The following POFUT1 variants were observed in gnomAD, a reference collection of about 807,000 sequenced individuals.
The protein encoded by POFUT1 is protein O-fucosyltransferase 1.
Under a neutral mutation model 42.4 loss-of-function variants are expected in POFUT1, and 16 were observed. The observed-to-expected ratio is 0.38, with a 90% CI of 0.26 to 0.57. The LOEUF (loss-of-function observed/expected upper bound fraction) is 0.57, where lower values mean the gene tolerates loss of function less well. Among genes scored for constraint, POFUT1 ranks in the 20% least tolerant of loss-of-function variants. The pLI, the probability that POFUT1 is intolerant of heterozygous loss-of-function variation, is 0.71. For synonymous variants in POFUT1, 206 were observed against 205.4 expected (o/e 1.00, Z -0.03); for missense variants, 470 against 504.6 (o/e 0.93, Z 0.66).
intron 6 of POFUT1, among the ~76,000 whole-genome samples, chr20:32,232,926 T>C (rs924003560): frequency 1.3e-5 from 2 of 152,016 alleles, no homozygotes; most frequent in African/African-American, 4.8e-5. Context: ...AGGGTACCAG[T>C]AAATAAGATG....
chr20:32,213,605 T>C (rs2047342518), intron 2 of POFUT1, among the ~76,000 whole-genome samples: 1 of 151,734 alleles, frequency 6.6e-6, no homozygotes, highest in Non-Finnish European at 1.5e-5. Context: ...ACCCCATCTC[T>C]ACTATAGATA....
intron 4 of POFUT1, chr20:32,217,854 C>A: frequency 3.9e-6 from 2 of 511,658 alleles, no homozygotes; most frequent in Non-Finnish European, 5.0e-6. Flanking sequence ...TTCCCAAGGT[C>A]ATTGAGCTGT....
Position 32,223,460 on chromosome 20 carries a change from C to T in POFUT1, c.543-4803C>T. The stretch of plus-strand genomic sequence containing the variant: ...GGACACACATTCCAAGTCTGGAATT[C>T]ACCGAAGGTTGGCTGCAGGTGCTTT... On this transcript the variant is annotated intron_variant, in intron 4 of 6. Transcript: ENST00000375749. 3 of 985,404 alleles carry T rather than the reference C, an allele frequency of 3.0e-6. No individual in the cohort carries two copies. In the South Asian group the frequency reaches 1.4e-4, roughly 46 times the overall value. 61.0% of individuals were successfully genotyped at this position (985,404 alleles called of 1,614,324 possible).
chr20:32,216,487 C>A, intron 3 of POFUT1, 122 bp from the exon 4 acceptor site: 1 of 659,750 alleles, frequency 1.5e-6, no homozygotes, highest in Non-Finnish European at 2.8e-6. Flanking sequence ...CCTAGGCCAT[C>A]CTGTGAGAGT....
At chr20:32,213,412 C>T (rs1260179561) in intron 2 of POFUT1, among the ~76,000 whole-genome samples, 10 of 150,002 alleles carry the variant, frequency 6.7e-5, no homozygotes, top group South Asian at 6.3e-4. Flanking sequence ...GCCGAGATCG[C>T]GCCACTGCAC....
chr20:32,217,014 G>C, intron 4 of POFUT1: 1 of 1,613,778 alleles, frequency 6.2e-7, no homozygotes, highest in Non-Finnish European at 8.5e-7. Flanking sequence ...CTAGGCGTGA[G>C]AATCACTCCT....
chr20:32,221,729 C>G (rs538549801), intron 4 of POFUT1, among the ~76,000 whole-genome samples: 8 of 151,632 alleles, frequency 5.3e-5, no homozygotes, highest in Non-Finnish European at 8.8e-5. Context: ...AAAAAAATGC[C>G]TCTAGGGCCT....
At position 32,234,538 on chromosome 20, in the gene POFUT1, C is replaced by T; in HGVS notation, c.1044C>T (p.Asp348=). 1 of 1,614,194 alleles carries T rather than the reference C, an allele frequency of 6.2e-7. No homozygotes were observed. The highest frequency in any genetic ancestry group is 1.6e-4 in the Middle Eastern group (1 of 6,062). ...ACCTGTACATCCTCGGCCAAGCCGA[C>T]CACTTTATTGGCAACTGTGTCTCCT... ...QVDLYILGQA[D]HFIGNCVSSF... is the part of the protein sequence containing the mutation. Residue 348 remains aspartate (D), a synonymous_variant, in exon 7 of 7, where the codon GAC becomes GAT. Coordinates refer to ENST00000375749, the MANE Select transcript of POFUT1 (RefSeq NM_015352.2).
At chr20:32,225,771 T>C (rs1189999436) in intron 4 of POFUT1, among the ~76,000 whole-genome samples, 1 of 151,928 alleles carries the variant, frequency 6.6e-6, no homozygotes, top group African/African-American at 2.4e-5. Context: ...ATTACAGAAG[T>C]GGCCACCACA....
At position 32,208,468 on chromosome 20, in the gene POFUT1, A is replaced by G. The variant is rs73235288; in HGVS notation, c.124+403A>G. Reference sequence around the variant, plus strand: ...TGTACTGGGAATACCGCAGTGAATAAGATAAACTCCGTGTCCTTGTAGAGC... The same window carrying G: ...TGTACTGGGAATACCGCAGTGAATAGGATAAACTCCGTGTCCTTGTAGAGC... On this transcript the variant is annotated intron_variant, in intron 1 of 6. Coordinates refer to ENST00000375749, the MANE Select transcript of POFUT1 (RefSeq NM_015352.2). Among the ~76,000 whole-genome samples the G allele has an allele frequency of 7.3e-3, 1,118 of 152,188 alleles. 9 individuals are homozygous for G. Among genetic ancestry groups the G allele is most frequent in the African/African-American group, 0.026 (1,061 of 41,520 alleles).
chr20:32,216,444 C>T (rs2047360708), intron 3 of POFUT1, among the ~76,000 whole-genome samples, 165 bp from the exon 4 acceptor site: 2 of 152,188 alleles, frequency 1.3e-5, no homozygotes, highest in East Asian at 3.8e-4. Context: ...CTCTGCTCAG[C>T]CCCTGGCCTA....
chr20:32,227,738 GC>G (rs1161313069), intron 4 of POFUT1, among the ~76,000 whole-genome samples: 5 of 152,184 alleles, frequency 3.3e-5, no homozygotes, highest in African/African-American at 1.2e-4. Flanking sequence ...CAGGGACTAT[GC>G]CTGTCTTGTT....
chr20:32,216,830 C>T, intron 4 of POFUT1, 109 bp downstream of exon 4: 10 of 1,390,408 alleles, frequency 7.2e-6, no homozygotes, highest in Non-Finnish European at 1.0e-5. Flanking sequence ...TGTATGAGAC[C>T]AAAGGTGCAG....
At chr20:32,218,199 T>G (rs760795865) in intron 4 of POFUT1, among the ~76,000 whole-genome samples, 16 of 152,184 alleles carry the variant, frequency 1.1e-4, no homozygotes, top group Admixed American at 5.2e-4. Flanking sequence ...TACAGTAGCA[T>G]GATCATAACT....
intron 6 of POFUT1, chr20:32,231,369 A>G (rs987061545): frequency 1.4e-5 from 5 of 358,058 alleles, no homozygotes; most frequent in East Asian, 6.8e-5. Context: ...ATTTCCTCCC[A>G]GGAGCTGTGG....
In POFUT1 at chr20:32,237,828, A is replaced by G. The variant is rs1236093531; in HGVS notation, c.*3167A>G. 1.9e-6 allele frequency: 1 copy of G among 534,338 alleles called. No individual in the cohort carries two copies. The highest frequency in any genetic ancestry group is 3.8e-6 in the Non-Finnish European group (1 of 260,056). 33.1% of individuals were successfully genotyped at this position (534,338 alleles called of 1,614,324 possible). ...GGGTGCTGGGCTCCCCTAGACTAGGACTCCAGTGCCCTCCTCTCCCAAGAG... is the reference window on the plus strand; with the variant it reads ...GGGTGCTGGGCTCCCCTAGACTAGGGCTCCAGTGCCCTCCTCTCCCAAGAG... On this transcript the variant is annotated 3_prime_UTR_variant, in exon 7 of 7. Transcript: ENST00000375749.
At position 32,215,185 on chromosome 20, in the gene POFUT1, G is replaced by A. The variant is rs911797258; in HGVS notation, c.247-84G>A. 2.8e-6 allele frequency: 3 copies of A among 1,088,324 alleles called. No individual in the cohort carries two copies. The African/African-American group carries it at 4.7e-5, about 17-fold the overall frequency. 67.4% of individuals were successfully genotyped at this position (1,088,324 alleles called of 1,614,324 possible). A position where few individuals can be genotyped will look rare whatever the true frequency, so the allele number is the denominator to read the frequency against. On this transcript the variant is annotated intron_variant, in intron 2 of 6. Transcript: ENST00000375749. ...ATTACAGGCGTGAGCCACTGCACCTGGCCTGGAGTGTATTGTTTTAATAAA... is the reference window on the plus strand; with the variant it reads ...ATTACAGGCGTGAGCCACTGCACCTAGCCTGGAGTGTATTGTTTTAATAAA...
chr20:32,228,567 T>A, intron 5 of POFUT1, 112 bp downstream of exon 5: 1 of 902,392 alleles, frequency 1.1e-6, no homozygotes, highest in Non-Finnish European at 1.7e-6. Context: ...TCTCACTTGT[T>A]CTGGTTCGTG....
intron 4 of POFUT1, chr20:32,223,613 A>G (rs2047400856): frequency 2.0e-6 from 2 of 985,302 alleles, no homozygotes; most frequent in African/African-American, 3.5e-5. Flanking sequence ...AGATTAGCTG[A>G]AGACCTGGCC....
Sources: gnomAD v4.1 joint callset for allele counts (sites outside exome capture counted in the v4.1 genomes callset) on GRCh38, gnomAD v4.1.1 for gene constraint, MANE v1.5 for transcripts, NCBI Gene and HGNC (gene_info 2026-07-23, HGNC 2026-07-21) for gene names.